The following NRG3 variants were observed in gnomAD, a reference collection of about 807,000 sequenced individuals.
NRG3 encodes the protein neuregulin 3.
A neutral mutation model predicts 66.9 loss-of-function variants in NRG3; 31 were observed. The ratio of observed to expected loss-of-function variants is 0.46; its 90% CI spans 0.35 to 0.63. NRG3 has a LOEUF of 0.63. Ranked by LOEUF, NRG3 falls within the 20% of genes least tolerant of loss-of-function variation. The pLI is 0.00. For synonymous variants in NRG3, 393 were observed against 359.4 expected, an observed-to-expected ratio of 1.09 and a Z score of -1.06; for missense variants, 910 against 878.9, an observed-to-expected ratio of 1.04 and a Z score of -0.45.
intron 2 of NRG3, among the ~76,000 whole-genome samples, chr10:82,715,237 A>T (rs927761094): frequency 6.6e-6 from 1 of 152,160 alleles, no homozygotes; most frequent in Non-Finnish European, 1.5e-5. Flanking sequence ...GCTACCAAAA[A>T]ATACAAAACA....
At chr10:81,876,373 G>A (rs556608305) in intron 1 of NRG3, among the ~76,000 whole-genome samples, 1 of 152,296 alleles carries the variant, frequency 6.6e-6, no homozygotes, top group East Asian at 1.9e-4. Context: ...TGTAGGAACG[G>A]GAGGGAGATT....
At chr10:82,158,884 A>G (rs1220656666) in intron 1 of NRG3, among the ~76,000 whole-genome samples, 3 of 151,840 alleles carry the variant, frequency 2.0e-5, no homozygotes, top group African/African-American at 7.2e-5. Flanking sequence ...TTTCATGGGG[A>G]TTAGTTTACT....
chr10:82,467,001 T>A (rs918739536), intron 2 of NRG3, among the ~76,000 whole-genome samples: 2 of 151,978 alleles, frequency 1.3e-5, no homozygotes, highest in Non-Finnish European at 2.9e-5. Flanking sequence ...GCTTCAAGGA[T>A]GTGCAAGCTG....
At chr10:82,208,238 G>A (rs1285393884) in intron 1 of NRG3, among the ~76,000 whole-genome samples, 4 of 152,088 alleles carry the variant, frequency 2.6e-5, no homozygotes, top group South Asian at 2.1e-4. Context: ...CTCAGTTTTG[G>A]ACTATGTAAC....
rs143021900 is a variant in NRG3, at chr10:82,210,283, T to A, written c.824-148456T>A. 2.0e-3 allele frequency among the ~76,000 whole-genome samples: 305 copies of A among 152,314 alleles called. 2 individuals are homozygous for A. The highest frequency in any genetic ancestry group is 6.7e-3 in the African/African-American group (280 of 41,586). On this transcript the variant is annotated intron_variant, in intron 1 of 8. Transcript: ENST00000372141. ...CTATTTTAAGGTAAAGTTATTAAAG[T>A]CCGGCTCCCATCTCACAGATATTAT...
At chr10:82,950,590 G>A (rs1324593663) in intron 4 of NRG3, among the ~76,000 whole-genome samples, 1 of 152,162 alleles carries the variant, frequency 6.6e-6, no homozygotes, top group South Asian at 2.1e-4. Flanking sequence ...TAGGTAGAAG[G>A]GAAGACAAAA....
At chr10:82,856,592 A>G (rs1045012067) in intron 3 of NRG3, among the ~76,000 whole-genome samples, 3 of 151,902 alleles carry the variant, frequency 2.0e-5, no homozygotes, top group African/African-American at 7.3e-5. Context: ...TAAAAATACA[A>G]AAATTAGCTG....
intron 2 of NRG3, among the ~76,000 whole-genome samples, chr10:82,371,886 G>A (rs548801975): frequency 3.3e-5 from 5 of 152,184 alleles, no homozygotes; most frequent in African/African-American, 1.2e-4. Context: ...CTCCTCTGAG[G>A]GAAGGCATCA....
At chr10:82,281,765 C>A (rs1323381254) in intron 1 of NRG3, among the ~76,000 whole-genome samples, 1 of 152,076 alleles carries the variant, frequency 6.6e-6, no homozygotes, top group East Asian at 1.9e-4. Context: ...TGTGCCCTGG[C>A]AGCTATCATC....
intron 1 of NRG3, among the ~76,000 whole-genome samples, chr10:82,160,547 C>G (rs1242393401): frequency 6.6e-6 from 1 of 151,248 alleles, no homozygotes; most frequent in African/African-American, 2.4e-5. Context: ...GCTCTGTTGC[C>G]CAGGCTAGAG....
At chr10:82,487,902 A>G (rs1177120415) in intron 2 of NRG3, among the ~76,000 whole-genome samples, 1 of 152,198 alleles carries the variant, frequency 6.6e-6, no homozygotes, top group Non-Finnish European at 1.5e-5. Flanking sequence ...CTTTGGGCTT[A>G]CAATGATTAA....
chr10:82,605,650 G>A (rs2047924066), intron 2 of NRG3, among the ~76,000 whole-genome samples: 1 of 151,980 alleles, frequency 6.6e-6, no homozygotes, highest in African/African-American at 2.4e-5. Flanking sequence ...GAGAATTTAT[G>A]AGAATTTATA....
At chr10:82,664,832 G>C (rs934188975) in intron 2 of NRG3, among the ~76,000 whole-genome samples, 4 of 152,100 alleles carry the variant, frequency 2.6e-5, no homozygotes, top group Non-Finnish European at 5.9e-5. Context: ...AGTCATTAGT[G>C]AGGCCAGAAA....
intron 3 of NRG3, among the ~76,000 whole-genome samples, chr10:82,840,924 A>G (rs1489855992): frequency 6.6e-6 from 1 of 152,142 alleles, no homozygotes; most frequent in African/African-American, 2.4e-5. Flanking sequence ...AAGACATACT[A>G]AAGTCTTAAG....
intron 4 of NRG3, among the ~76,000 whole-genome samples, chr10:82,885,417 T>C (rs1476650675): frequency 1.3e-5 from 2 of 152,104 alleles, no homozygotes; most frequent in East Asian, 3.9e-4. Flanking sequence ...GAGGCTGACA[T>C]TTCTGTCAAG....
intron 4 of NRG3, among the ~76,000 whole-genome samples, chr10:82,867,425 G>T (rs1840862508): frequency 6.6e-6 from 1 of 152,184 alleles, no homozygotes; most frequent in South Asian, 2.1e-4. Context: ...TGCTGTAAAA[G>T]AGGCTGGGAA....
chr10:82,951,279 G>A (rs528880537), intron 4 of NRG3, among the ~76,000 whole-genome samples, 190 bp from the exon 5 acceptor site: 1 of 152,242 alleles, frequency 6.6e-6, no homozygotes, highest in Non-Finnish European at 1.5e-5. Context: ...ACAAATAATA[G>A]CAACCAGTTA....
intron 1 of NRG3, among the ~76,000 whole-genome samples, chr10:82,061,508 C>T (rs1003361068): frequency 1.3e-5 from 2 of 152,122 alleles, no homozygotes; most frequent in African/African-American, 4.8e-5. Flanking sequence ...GAGTTTCCAC[C>T]TTGGATGTTC....
chr10:82,296,064 A>G (rs1265703196), intron 1 of NRG3, among the ~76,000 whole-genome samples: 2 of 152,166 alleles, frequency 1.3e-5, no homozygotes, highest in Non-Finnish European at 2.9e-5. Flanking sequence ...CTGAGGAAGT[A>G]ATTGTTCACC....
Sources: allele counts gnomAD v4.1 joint callset (sites outside exome capture counted in the v4.1 genomes callset), GRCh38; gene constraint gnomAD v4.1.1; transcripts MANE v1.5; gene names NCBI Gene and HGNC (gene_info 2026-07-23, HGNC 2026-07-21).